ERMP1: variants seen among roughly 807,000 people sequenced by gnomAD.
ERMP1 encodes endoplasmic reticulum metallopeptidase 1.
In ERMP1, 86 loss-of-function variants were observed where a neutral mutation model predicts 92.0. The observed-to-expected ratio is 0.93, with a 90% CI of 0.79 to 1.12. The LOEUF is 1.12. Among genes scored for constraint, ERMP1 ranks in the 50% most tolerant of loss-of-function variants. The probability of loss-of-function intolerance (pLI) is 0.00; values close to 1 mark genes in which losing one functional copy is unlikely to be tolerated. For synonymous variants in ERMP1, 530 were observed against 412.8 expected, an observed-to-expected ratio of 1.28 and a Z score of -3.44; for missense variants, 1,342 against 1,116.3, an observed-to-expected ratio of 1.20 and a Z score of -2.88.
chr9:5,809,782 C>T (rs10975294), intron 8 of ERMP1, among the ~76,000 whole-genome samples: 142 of 152,332 alleles, frequency 9.3e-4, no homozygotes, highest in Non-Finnish European at 9.7e-4. Context: ...CAGTCACCAC[C>T]ACCCTAACAC....
At chr9:5,857,717 T>C (rs1305685769) in intron 6 of ERMP1, among the ~76,000 whole-genome samples, 1 of 152,176 alleles carries the variant, frequency 6.6e-6, no homozygotes, top group Admixed American at 6.5e-5. Flanking sequence ...CTAGAAAATA[T>C]TCAGCATATC....
chr9:5,832,770 C>T lies in ERMP1; in HGVS notation c.258G>A (p.Thr86=). The T allele has an allele frequency of 2.7e-6, 4 of 1,499,478 alleles. No individual in the cohort carries two copies. The highest frequency in any genetic ancestry group is 3.5e-6 in the Non-Finnish European group (4 of 1,132,646). The allele number at this position is 1,499,478 out of a possible 1,614,324, so 92.9% of individuals were successfully genotyped here. ...GCTGCTGCAGCGAGAGCTGCACCAGCGTCCGCAGCGCGATCAGGTAGAGCG... is the reference window on the plus strand; with the variant it reads ...GCTGCTGCAGCGAGAGCTGCACCAGTGTCCGCAGCGCGATCAGGTAGAGCG... ...GLALYLIALR[T]LVQLSLQQLV... The change falls in exon 1 of 15, where the codon ACG becomes ACA. Residue 86 remains threonine (T), a synonymous_variant. Transcript: ENST00000339450.
rs781367038 is a variant in ERMP1 at position 5,787,440 on chromosome 9, A to G, written c.2540T>C (p.Ile847Thr). 26 of 1,613,086 alleles carry G rather than the reference A, an allele frequency of 1.6e-5. No homozygotes were observed. Among genetic ancestry groups the G allele is most frequent in the Non-Finnish European group, 2.0e-5 (24 of 1,179,732 alleles). The change falls in exon 14 of 15, where the codon ATA becomes ACA. Residue 847 changes from isoleucine to threonine, a missense_variant. By Grantham distance (89) the Ile-to-Thr change is moderately conservative. Coordinates refer to ENST00000339450, the MANE Select transcript of ERMP1 (RefSeq NM_024896.3). ...CTGGGAAATTGGCACCTGCACTTCTATCCAGAACTGCCATGCAGAGGCCTG... is the reference window on the plus strand; with the variant it reads ...CTGGGAAATTGGCACCTGCACTTCTGTCCAGAACTGCCATGCAGAGGCCTG... ...GLQASAWQFW[I>T]EVQVSEEHPE...
rs978090607 is a variant in ERMP1 at position 5,805,789 on chromosome 9, A to G, written c.1549-4T>C. On this transcript the variant is annotated splice_region_variant and splice_polypyrimidine_tract_variant and intron_variant, in intron 8 of 14. Coordinates refer to ENST00000339450, the MANE Select transcript of ERMP1 (RefSeq NM_024896.3). ...CCAGATACTGGGCACTGGCATTCTGAAAGAAAGAAAAATATACAAGTAGTC... is the reference window on the plus strand; with the variant it reads ...CCAGATACTGGGCACTGGCATTCTGGAAGAAAGAAAAATATACAAGTAGTC... 1.3e-6 allele frequency: 2 copies of G among 1,587,248 alleles called. No individual in the cohort carries two copies. The highest frequency in any genetic ancestry group is 2.8e-5 in the African/African-American group (2 of 71,604).
intron 10 of ERMP1, among the ~76,000 whole-genome samples, chr9:5,803,589 C>CG (rs542788653): frequency 6.9e-4 from 105 of 151,942 alleles, no homozygotes; most frequent in Non-Finnish European, 1.1e-3. Flanking sequence ...AACAAATAAA[C>CG]GGGGGTGTGG....
upstream of ERMP1, among the ~76,000 whole-genome samples, chr9:5,833,368 TCTTACAGTGCATCAGG>T (rs1830034159): frequency 6.6e-6 from 1 of 152,116 alleles, no homozygotes; most frequent in Non-Finnish European, 1.5e-5. Flanking sequence ...CACACAAGGC[TCTTACAGTGCATCAGG>T]CAGATGAAAA....
intron 8 of ERMP1, among the ~76,000 whole-genome samples, chr9:5,807,707 C>G (rs111820714): frequency 0.02 from 3,055 of 152,188 alleles, 99 homozygotes; most frequent in African/African-American, 0.068. Context: ...GATCACACCA[C>G]TGCACTCCAA....
chr9:5,810,887 T>A (rs1054236666), intron 7 of ERMP1, among the ~76,000 whole-genome samples: 1 of 152,224 alleles, frequency 6.6e-6, no homozygotes, highest in African/African-American at 2.4e-5. Context: ...AGTTTCTATG[T>A]GGTACTTTTA....
At chr9:5,861,777 G>C (rs1239717743) in intron 5 of ERMP1, among the ~76,000 whole-genome samples, 2 of 115,126 alleles carry the variant, frequency 1.7e-5, no homozygotes, top group Non-Finnish European at 3.3e-5. Context: ...AAGGTCAAAG[G>C]ATCTCAGCAG....
intron 6 of ERMP1, among the ~76,000 whole-genome samples, chr9:5,843,028 A>C (rs573417034): frequency 6.6e-6 from 1 of 152,400 alleles, no homozygotes; most frequent in South Asian, 2.1e-4. Context: ...CAAAAAGCCA[A>C]GTGACAAACA....
chr9:5,801,131 G>A lies in ERMP1; in HGVS notation c.2067+45C>T, dbSNP rs779356969. ...TCACTACTGAAGCTCAAAACACACA[G>A]GGCTTCCTTTCCAGATCTCAAATAC... On this transcript the variant is annotated intron_variant, in intron 11 of 14. Coordinates refer to ENST00000339450, the MANE Select transcript of ERMP1 (RefSeq NM_024896.3). The A allele has an allele frequency of 7.0e-6, 11 of 1,573,304 alleles. No homozygotes were observed. In the South Asian group the frequency reaches 1.3e-4, roughly 19 times the overall value.
At chr9:5,844,021 G>A (rs1830203443) in intron 6 of ERMP1, among the ~76,000 whole-genome samples, 1 of 152,124 alleles carries the variant, frequency 6.6e-6, no homozygotes. Context: ...GAGGGGTAAT[G>A]TTCTGTGAAG....
intron 13 of ERMP1, among the ~76,000 whole-genome samples, chr9:5,791,907 C>G (rs1828212992): frequency 6.6e-6 from 1 of 152,082 alleles, no homozygotes; most frequent in Non-Finnish European, 1.5e-5. Flanking sequence ...AATCGTGATA[C>G]AAGATGGTCA....
chr9:5,820,256 G>A (rs1008580375), intron 4 of ERMP1, among the ~76,000 whole-genome samples: 1 of 152,144 alleles, frequency 6.6e-6, no homozygotes. Context: ...CTGAGATCGC[G>A]TCACTGCACT....
Position 5,807,857 on chromosome 9 carries a change from A to G in ERMP1, c.1549-2072T>C, listed in dbSNP as rs143904810. Among the ~76,000 whole-genome samples, 793 of 152,250 alleles carry G rather than the reference A, an allele frequency of 5.2e-3. 2 individuals carry two copies. The highest frequency in any genetic ancestry group is 9.4e-3 in the Non-Finnish European group (639 of 68,008). On this transcript the variant is annotated intron_variant, in intron 8 of 14. Coordinates refer to ENST00000339450, the MANE Select transcript of ERMP1 (RefSeq NM_024896.3). ...TCCCCTATATTCTTACAGCATAGTT[A>G]TATGTCAGTCTCACTTCATCCCACA...
At chr9:5,825,690 G>A (rs951838722) in intron 2 of ERMP1, among the ~76,000 whole-genome samples, 1 of 152,128 alleles carries the variant, frequency 6.6e-6, no homozygotes, top group Admixed American at 6.6e-5. Context: ...GCACAGAGAG[G>A]TCACTTTGGA....
At position 5,810,037 on chromosome 9, in the gene ERMP1, T is replaced by C. The variant is rs1387620728; in HGVS notation, c.1522A>G (p.Thr508Ala). The C allele has an allele frequency of 1.9e-6, 3 of 1,611,238 alleles. No homozygotes were observed. The highest frequency in any genetic ancestry group is 2.5e-6 in the Non-Finnish European group (3 of 1,177,762). The change falls in exon 8 of 15, where the codon ACT becomes GCT. Residue 508 changes from threonine to alanine, a missense_variant. Coordinates refer to ENST00000339450, the MANE Select transcript of ERMP1 (RefSeq NM_024896.3). ...ATGTAATAAAATCTTTTCGCAAGAGTATGTATAAGTATTATTTTGGCTACA... is the reference window on the plus strand; with the variant it reads ...ATGTAATAAAATCTTTTCGCAAGAGCATGTATAAGTATTATTTTGGCTACA... The part of the protein sequence containing the change: ...ATVAKIILIH[T>A]LAKRFYYMNA...
At chr9:5,826,521 G>T (rs1267764606) in intron 2 of ERMP1, among the ~76,000 whole-genome samples, 2 of 152,032 alleles carry the variant, frequency 1.3e-5, no homozygotes, top group Non-Finnish European at 2.9e-5. Flanking sequence ...TCTGAGGAAG[G>T]CTCTGTAGCT....
At chr9:5,805,563 G>T in intron 9 of ERMP1, 48 bp downstream of exon 9, 1 of 1,434,126 alleles carries the variant, frequency 7.0e-7, no homozygotes. Context: ...AAAGCCTTAA[G>T]TATTTTAAGG....
Sources: gnomAD v4.1 joint callset for allele counts (sites outside exome capture counted in the v4.1 genomes callset) on GRCh38, gnomAD v4.1.1 for gene constraint, MANE v1.5 for transcripts, NCBI Gene and HGNC (gene_info 2026-07-23, HGNC 2026-07-21) for gene names.